ANK1: variants seen among roughly 807,000 people sequenced by gnomAD.
ANK1 encodes the protein ankyrin-1.
ANK1 carries 51 observed loss-of-function variants against 210.4 expected under a neutral mutation model. That is an observed-to-expected ratio of 0.24 (90% CI 0.19 to 0.31). The LOEUF (loss-of-function observed/expected upper bound fraction) is 0.31, where lower values mean the gene tolerates loss of function less well. Ranked by LOEUF, ANK1 falls within the 10% of genes least tolerant of loss-of-function variation. The pLI is 1.00. For missense variants in ANK1, 2,051 were observed against 2,504.4 expected, an observed-to-expected ratio of 0.82 and a Z score of 3.86; for synonymous variants, 967 against 1,025.9, an observed-to-expected ratio of 0.94 and a Z score of 1.10.
In ANK1 at chr8:41,871,310, C is replaced by T. The variant is rs544956827; in HGVS notation, c.126+25045G>A. Among the ~76,000 whole-genome samples the T allele has an allele frequency of 7.9e-5, 12 of 152,282 alleles. No homozygotes were observed. The East Asian group carries it at 1.2e-3, about 15-fold the overall frequency. Reference sequence around the variant, plus strand: ...GCAGCTGCTGGAGCTATAGTAGATGCTGTTTATTTATGTTTTAGAGACAGG... The same window carrying T: ...GCAGCTGCTGGAGCTATAGTAGATGTTGTTTATTTATGTTTTAGAGACAGG... On this transcript the variant is annotated intron_variant, in intron 1 of 42. Transcript: ENST00000265709.
In ANK1 at chr8:41,838,767, A is replaced by AAATAATAATAATAATAATAATAAT. The variant is rs58514602; in HGVS notation, c.126+57564_126+57587dup. The stretch of plus-strand genomic sequence containing the variant: ...GGGACAAAGCAAGACTCCGTCTCAA[A>AAATAATAATAATAATAATAATAAT]AATAATAATAATAATAATAATAATA... On this transcript the variant is annotated intron_variant, in intron 1 of 42. Coordinates refer to the ANK1 transcript ENST00000265709. Among the ~76,000 whole-genome samples, 813 of 140,518 alleles carry AAATAATAATAATAATAATAATAAT rather than the reference A, an allele frequency of 5.8e-3. 11 individuals are homozygous for AAATAATAATAATAATAATAATAAT. The highest frequency in any genetic ancestry group is 0.021 in the African/African-American group (756 of 36,666). The allele number at this position is 140,518 out of a possible 152,430, so 92.2% of individuals were successfully genotyped here.
rs34173100 is a variant in ANK1, at chr8:41,725,884, G to A, written c.489C>T (p.Leu163=). 2.0e-3 allele frequency: 3,206 copies of A among 1,613,578 alleles called. 82 individuals are homozygous for A. The African/African-American group carries it at 0.038, about 19-fold the overall frequency. Residue 163 remains leucine, a synonymous_variant, in exon 6 of 43, where the codon CTC becomes CTT. Transcript: ENST00000289734. ...CCTTCCCCTTGGTGCCGTAGTTGAT[G>A]AGGTGCGCGACGACGTTCTCATGGC... ...QQGHENVVAH[L]INYGTKGKVR... is the part of the protein sequence containing the mutation.
At chr8:41,876,839 T>C (rs1816706250) in intron 1 of ANK1, among the ~76,000 whole-genome samples, 1 of 152,244 alleles carries the variant, frequency 6.6e-6, no homozygotes, top group African/African-American at 2.4e-5. Flanking sequence ...ATTCTTACCA[T>C]GTGTGAGGGG....
chr8:41,706,449 T>C (rs964898957), intron 17 of ANK1, among the ~76,000 whole-genome samples: 1 of 152,234 alleles, frequency 6.6e-6, no homozygotes. Flanking sequence ...CAACTTTTGC[T>C]GTTAAGGGCC....
At chr8:41,891,626 G>C (rs1162576932) in intron 1 of ANK1, among the ~76,000 whole-genome samples, 2 of 152,228 alleles carry the variant, frequency 1.3e-5, no homozygotes, top group Non-Finnish European at 2.9e-5. Context: ...CCTGGGAACA[G>C]CCCCCACCAC....
At chr8:41,671,017 G>A (rs980272413) in intron 38 of ANK1, among the ~76,000 whole-genome samples, 1 of 152,204 alleles carries the variant, frequency 6.6e-6, no homozygotes, top group African/African-American at 2.4e-5. Flanking sequence ...ATCCTTCCCT[G>A]CACTCAGCGG....
intron 20 of ANK1, among the ~76,000 whole-genome samples, chr8:41,702,904 C>T (rs1318712482): frequency 6.6e-6 from 1 of 152,174 alleles, no homozygotes; most frequent in African/African-American, 2.4e-5. Flanking sequence ...ACTGTAACCT[C>T]TGCCTCCTGG....
chr8:41,659,865 C>T (rs755071521), intron 42 of ANK1, among the ~76,000 whole-genome samples: 1 of 152,014 alleles, frequency 6.6e-6, no homozygotes, highest in Non-Finnish European at 1.5e-5. Flanking sequence ...AGATCACTTA[C>T]GGCAAATTAA....
chr8:41,727,411 A>G lies in ANK1; in HGVS notation c.328-63T>C, dbSNP rs951767793. The G allele has an allele frequency of 9.2e-5, 109 of 1,179,394 alleles. 1 individual carries two copies. The South Asian group carries it at 1.3e-3, about 14-fold the overall frequency. The allele number at this position is 1,179,394 out of a possible 1,614,324, so 73.1% of individuals were successfully genotyped here. A position where few individuals can be genotyped will look rare whatever the true frequency, so the allele number is the denominator to read the frequency against. On this transcript the variant is annotated intron_variant, in intron 4 of 42. Transcript: ENST00000289734. ...CAATTTAAGAAAGGCCTACACCAGCACAACGTCCTCTCACCTGGAGGACAG... is the reference window on the plus strand; with the variant it reads ...CAATTTAAGAAAGGCCTACACCAGCGCAACGTCCTCTCACCTGGAGGACAG...
At chr8:41,734,112 G>A (rs1325678076) in intron 2 of ANK1, 43 bp from the exon 3 acceptor site, 1 of 1,549,992 alleles carries the variant, frequency 6.5e-7, no homozygotes, top group African/African-American at 1.4e-5. Flanking sequence ...TTAGTCAAAT[G>A]GTGCTTTCTG....
intron 12 of ANK1, 147 bp downstream of exon 12, chr8:41,717,457 A>G (rs773386126): frequency 6.8e-5 from 55 of 806,168 alleles, no homozygotes; most frequent in Non-Finnish European, 1.1e-4. Flanking sequence ...GCGTCAGTAC[A>G]CAGGGATGTC....
At chr8:41,791,668 T>G (rs1195415790) in intron 1 of ANK1, among the ~76,000 whole-genome samples, 2 of 152,156 alleles carry the variant, frequency 1.3e-5, no homozygotes, top group East Asian at 3.8e-4. Flanking sequence ...CTTGACCTCG[T>G]GATCCGCCCA....
At chr8:41,784,158 C>T (rs913266468) in intron 1 of ANK1, among the ~76,000 whole-genome samples, 1 of 152,024 alleles carries the variant, frequency 6.6e-6, no homozygotes, top group African/African-American at 2.4e-5. Flanking sequence ...TCTTTATTTC[C>T]CCCACATAAC....
intron 1 of ANK1, among the ~76,000 whole-genome samples, chr8:41,792,999 G>A (rs575073202): frequency 2.8e-4 from 42 of 152,324 alleles, no homozygotes; most frequent in African/African-American, 9.9e-4. Flanking sequence ...TAGAGTTTCT[G>A]AATATTATAT....
At chr8:41,818,458 A>C (rs116608917) in intron 1 of ANK1, among the ~76,000 whole-genome samples, 1 of 152,198 alleles carries the variant, frequency 6.6e-6, no homozygotes, top group Non-Finnish European at 1.5e-5. Flanking sequence ...TCTTCTTTTC[A>C]GTTGGATTAT....
intron 1 of ANK1, among the ~76,000 whole-genome samples, chr8:41,892,289 C>A (rs1022768601): frequency 5.3e-5 from 8 of 151,542 alleles, no homozygotes; most frequent in African/African-American, 1.5e-4. Context: ...CAACAAAAAA[C>A]CCCTCTCCTG....
At chr8:41,750,110 C>G (rs1468849142) in intron 2 of ANK1, among the ~76,000 whole-genome samples, 4 of 152,218 alleles carry the variant, frequency 2.6e-5, no homozygotes, top group Non-Finnish European at 5.9e-5. Flanking sequence ...AAATCCTGAT[C>G]AAAAGACTTG....
intron 1 of ANK1, among the ~76,000 whole-genome samples, chr8:41,865,599 C>T (rs1280407864): frequency 1.3e-5 from 2 of 152,114 alleles, no homozygotes; most frequent in Non-Finnish European, 2.9e-5. Flanking sequence ...ATTGGAGCTG[C>T]TAACTCCCTC....
chr8:41,881,235 A>G (rs1239809375), intron 1 of ANK1, among the ~76,000 whole-genome samples: 1 of 152,234 alleles, frequency 6.6e-6, no homozygotes, highest in Non-Finnish European at 1.5e-5. Flanking sequence ...TTTGTTCTAC[A>G]TGTGAGAAAA....
Sources: allele counts gnomAD v4.1 joint callset (sites outside exome capture counted in the v4.1 genomes callset), GRCh38; gene constraint gnomAD v4.1.1; transcripts MANE v1.5; gene names NCBI Gene and HGNC (gene_info 2026-07-23, HGNC 2026-07-21).